Variants in ARHGAP24 observed in about 807,000 individuals in gnomAD.
ARHGAP24 encodes the protein rho GTPase-activating protein 24.
ARHGAP24 carries 50 observed loss-of-function variants against 76.4 expected under a neutral mutation model. That is an observed-to-expected ratio of 0.65 (90% CI 0.52 to 0.83). The LOEUF is 0.83. Among genes scored for constraint, ARHGAP24 ranks in the 40% least tolerant of loss-of-function variants. The pLI is 0.00. For missense variants in ARHGAP24, 930 were observed against 914.2 expected (o/e 1.02, Z -0.22); for synonymous variants, 345 against 323.3 (o/e 1.07, Z -0.72).
chr4:85,729,809 T>C (rs578257605), intron 3 of ARHGAP24, among the ~76,000 whole-genome samples: 1 of 152,200 alleles, frequency 6.6e-6, no homozygotes, highest in African/African-American at 2.4e-5. Flanking sequence ...ATCAGAAATA[T>C]TATTCTTTAT....
intron 3 of ARHGAP24, among the ~76,000 whole-genome samples, chr4:85,832,450 C>T (rs1730042276): frequency 6.6e-6 from 1 of 152,102 alleles, no homozygotes; most frequent in Non-Finnish European, 1.5e-5. Flanking sequence ...TCTTCAGGCC[C>T]ACAAGGCCTC....
intron 3 of ARHGAP24, among the ~76,000 whole-genome samples, chr4:85,780,099 G>A (rs1017067201): frequency 1.3e-5 from 2 of 152,142 alleles, no homozygotes; most frequent in Non-Finnish European, 2.9e-5. Flanking sequence ...CTATAATGCA[G>A]TAATACATTG....
intron 2 of ARHGAP24, among the ~76,000 whole-genome samples, chr4:85,685,612 G>A (rs376908018): frequency 7.4e-5 from 10 of 134,428 alleles, no homozygotes; most frequent in Non-Finnish European, 1.0e-4. Context: ...CAGGCTGGGC[G>A]ACAGAGCGAG....
At chr4:85,992,525 T>C (rs1740396331) in intron 8 of ARHGAP24, among the ~76,000 whole-genome samples, 1 of 152,122 alleles carries the variant, frequency 6.6e-6, no homozygotes, top group African/African-American at 2.4e-5. Context: ...CTTCAAATGT[T>C]AACATTCCAA....
At chr4:85,721,420 A>G (rs1002178268) in intron 2 of ARHGAP24, among the ~76,000 whole-genome samples, 1 of 150,548 alleles carries the variant, frequency 6.6e-6, no homozygotes, top group African/African-American at 2.4e-5. Flanking sequence ...AAAAAAAAAG[A>G]AAAGGAAAAG....
chr4:85,582,378 A>G (rs1727649154), intron 2 of ARHGAP24, among the ~76,000 whole-genome samples: 1 of 152,096 alleles, frequency 6.6e-6, no homozygotes, highest in African/African-American at 2.4e-5. Flanking sequence ...CAATTTTGAT[A>G]AATATAGTGT....
intron 3 of ARHGAP24, among the ~76,000 whole-genome samples, chr4:85,857,422 A>G (rs751256559): frequency 6.6e-6 from 1 of 152,266 alleles, no homozygotes; most frequent in Non-Finnish European, 1.5e-5. Flanking sequence ...AATGTATCAC[A>G]TACATACCAT....
chr4:85,756,519 G>C (rs942266081), intron 3 of ARHGAP24, among the ~76,000 whole-genome samples: 1 of 152,158 alleles, frequency 6.6e-6, no homozygotes, highest in African/African-American at 2.4e-5. Context: ...ATAAGAATCA[G>C]AGTTTCATAG....
intron 3 of ARHGAP24, among the ~76,000 whole-genome samples, chr4:85,852,251 C>A (rs1731274948): frequency 1.3e-5 from 2 of 152,210 alleles, no homozygotes; most frequent in Non-Finnish European, 2.9e-5. Flanking sequence ...GCTACTGAAG[C>A]TTCTGTGTGT....
At chr4:85,530,111 TA>T (rs1223247352) in intron 1 of ARHGAP24, among the ~76,000 whole-genome samples, 2 of 151,712 alleles carry the variant, frequency 1.3e-5, no homozygotes, top group African/African-American at 2.4e-5. Context: ...TACTCTTAAT[TA>T]AAAAAAATTG....
chr4:85,628,107 C>G (rs1239738712), intron 2 of ARHGAP24, among the ~76,000 whole-genome samples: 1 of 152,108 alleles, frequency 6.6e-6, no homozygotes, highest in African/African-American at 2.4e-5. Context: ...CTGGCACTCC[C>G]CGGTGAGATG....
intron 3 of ARHGAP24, among the ~76,000 whole-genome samples, chr4:85,885,125 A>G (rs1733485381): frequency 6.6e-6 from 1 of 152,116 alleles, no homozygotes; most frequent in Admixed American, 6.6e-5. Context: ...TAGCCAACGT[A>G]TTTTAGGAGG....
At chr4:85,640,903 T>A (rs1245304002) in intron 2 of ARHGAP24, among the ~76,000 whole-genome samples, 1 of 142,368 alleles carries the variant, frequency 7.0e-6, no homozygotes, top group Admixed American at 7.4e-5. Flanking sequence ...ATAAAACAAT[T>A]TTTTGGATAC....
At chr4:85,998,996 ACCTT>A (rs1740845495) in intron 9 of ARHGAP24, among the ~76,000 whole-genome samples, 1 of 152,134 alleles carries the variant, frequency 6.6e-6, no homozygotes, top group South Asian at 2.1e-4. Context: ...TTTTATTTTA[ACCTT>A]GATGATGTAT....
At chr4:85,841,768 G>A (rs1730605575) in intron 3 of ARHGAP24, among the ~76,000 whole-genome samples, 1 of 152,202 alleles carries the variant, frequency 6.6e-6, no homozygotes, top group South Asian at 2.1e-4. Context: ...ATTTTGTTCA[G>A]CAGAGTTATA....
At chr4:85,552,462 A>T (rs12644304) in intron 1 of ARHGAP24, among the ~76,000 whole-genome samples, 1 of 152,198 alleles carries the variant, frequency 6.6e-6, no homozygotes, top group African/African-American at 2.4e-5. Flanking sequence ...TGTAGAGTCC[A>T]TGCCATGTTG....
At chr4:85,838,849 G>C (rs550796304) in intron 3 of ARHGAP24, among the ~76,000 whole-genome samples, 2 of 150,606 alleles carry the variant, frequency 1.3e-5, no homozygotes, top group Admixed American at 6.6e-5. Flanking sequence ...TTCTTCATTC[G>C]CATGGAGGGC....
At chr4:85,894,806 C>T (rs1734049197) in intron 3 of ARHGAP24, among the ~76,000 whole-genome samples, 1 of 151,304 alleles carries the variant, frequency 6.6e-6, no homozygotes, top group Admixed American at 6.6e-5. Context: ...GTTAAAAATA[C>T]CACAATTAGC....
At chr4:85,515,843 T>A (rs1284922973) in intron 1 of ARHGAP24, among the ~76,000 whole-genome samples, 1 of 152,212 alleles carries the variant, frequency 6.6e-6, no homozygotes, top group Non-Finnish European at 1.5e-5. Flanking sequence ...ATAGTTTTTG[T>A]CAATATTGAC....
Sources: allele counts gnomAD v4.1 joint callset (sites outside exome capture counted in the v4.1 genomes callset), GRCh38; gene constraint gnomAD v4.1.1; transcripts MANE v1.5; gene names NCBI Gene and HGNC (gene_info 2026-07-23, HGNC 2026-07-21).